The following HS2ST1 variants were observed in gnomAD, a reference collection of about 807,000 sequenced individuals.
The protein encoded by HS2ST1 is 2-O-sulfotransferase.
In HS2ST1, 18 loss-of-function variants were observed where a neutral mutation model predicts 42.9. The observed-to-expected ratio is 0.42, with a 90% confidence interval of 0.29 to 0.62. HS2ST1 has a LOEUF of 0.62. HS2ST1 is among the 20% of genes least tolerant of loss of function. The pLI, the probability that HS2ST1 is intolerant of heterozygous loss-of-function variation, is 0.21. For missense variants in HS2ST1, 334 were observed against 433.8 expected (o/e 0.77, Z 2.04); for synonymous variants, 146 against 152.9 (o/e 0.95, Z 0.33).
intron 1 of HS2ST1, among the ~76,000 whole-genome samples, chr1:87,013,946 A>T (rs1027343664): frequency 3.9e-5 from 6 of 152,186 alleles, no homozygotes; most frequent in African/African-American, 1.4e-4. Flanking sequence ...TTTAGTTCCC[A>T]GAAGTTTCTC....
intron 1 of HS2ST1, among the ~76,000 whole-genome samples, chr1:87,059,604 TAAAG>T (rs1651068777): frequency 1.3e-5 from 2 of 152,220 alleles, no homozygotes; most frequent in South Asian, 2.1e-4. Context: ...CTGAAATGAG[TAAAG>T]AAAGAAGCCT....
intron 1 of HS2ST1, among the ~76,000 whole-genome samples, chr1:87,029,876 G>A (rs556566854): frequency 2.0e-5 from 3 of 152,304 alleles, no homozygotes; most frequent in African/African-American, 7.2e-5. Context: ...AAGTTTAAGT[G>A]TGTTGGTCTT....
chr1:86,979,504 C>T (rs190282739), intron 1 of HS2ST1, among the ~76,000 whole-genome samples: 1 of 152,212 alleles, frequency 6.6e-6, no homozygotes, highest in African/African-American at 2.4e-5. Context: ...AACATAATGT[C>T]TTCAATGTTT....
intron 1 of HS2ST1, among the ~76,000 whole-genome samples, chr1:86,994,664 G>A (rs1024921757): frequency 1.6e-4 from 24 of 152,022 alleles, no homozygotes; most frequent in African/African-American, 4.8e-4. Context: ...GCTTTGTAGT[G>A]GGGTCTCAGT....
chr1:86,915,117 G>T lies in HS2ST1; in HGVS notation c.81G>T (p.Leu27Phe). The change falls in exon 1 of 7, where the codon TTG (leucine) becomes TTT (phenylalanine). Residue 27 changes from leucine to phenylalanine, a missense_variant. Leu to Phe is a conservative substitution (Grantham distance 22). Transcript: ENST00000370550. ...VVAFAVAMLF[L>F]ENQIQKLEES... ...CCTTCGCGGTGGCGATGCTCTTCTT[G>T]GAAAACCAGATCCAGAAACTGGAGG... 6.2e-7 allele frequency: 1 copy of T among 1,614,126 alleles called. No homozygotes were observed. The highest frequency in any genetic ancestry group is 8.5e-7 in the Non-Finnish European group (1 of 1,180,006).
chr1:87,097,074 G>A (rs975785365), intron 4 of HS2ST1, among the ~76,000 whole-genome samples: 1 of 152,108 alleles, frequency 6.6e-6, no homozygotes, highest in African/African-American at 2.4e-5. Flanking sequence ...CTAGAGCTAT[G>A]CCTTTAATAC....
chr1:87,017,860 G>A (rs944762132), intron 1 of HS2ST1, among the ~76,000 whole-genome samples: 3 of 151,936 alleles, frequency 2.0e-5, no homozygotes, highest in Non-Finnish European at 2.9e-5. Flanking sequence ...GGGAAAACAG[G>A]CCCCAAATCA....
chr1:86,974,084 A>G (rs1385112950), intron 1 of HS2ST1, among the ~76,000 whole-genome samples: 1 of 152,156 alleles, frequency 6.6e-6, no homozygotes, highest in Non-Finnish European at 1.5e-5. Context: ...CCTGTCTCAG[A>G]ACTCCTAAAT....
At chr1:86,930,809 T>C (rs1570428379) in intron 1 of HS2ST1, among the ~76,000 whole-genome samples, 1 of 152,100 alleles carries the variant, frequency 6.6e-6, no homozygotes, top group Non-Finnish European at 1.5e-5. Flanking sequence ...AGTTGAGTAT[T>C]TGTTTTATGT....
intron 2 of HS2ST1, among the ~76,000 whole-genome samples, chr1:87,073,382 T>G (rs995987469): frequency 1.3e-5 from 2 of 152,246 alleles, no homozygotes; most frequent in African/African-American, 4.8e-5. Flanking sequence ...CTCAAATATT[T>G]GTGAAGTAAA....
At chr1:87,057,336 C>G (rs1650995174) in intron 1 of HS2ST1, among the ~76,000 whole-genome samples, 1 of 152,110 alleles carries the variant, frequency 6.6e-6, no homozygotes, top group Non-Finnish European at 1.5e-5. Context: ...AGAATGCTGG[C>G]TTATAGGATA....
chr1:86,957,461 T>C (rs1647706856), intron 1 of HS2ST1, among the ~76,000 whole-genome samples: 1 of 152,230 alleles, frequency 6.6e-6, no homozygotes, highest in Admixed American at 6.5e-5. Flanking sequence ...ACATGTGATG[T>C]CTCAGCTCTC....
At chr1:86,986,336 T>C (rs1281336244) in intron 1 of HS2ST1, among the ~76,000 whole-genome samples, 1 of 152,156 alleles carries the variant, frequency 6.6e-6, no homozygotes, top group African/African-American at 2.4e-5. Flanking sequence ...CTGCATTAAG[T>C]TCCACTAGGT....
At chr1:87,082,951 T>G (rs1337411365) in intron 2 of HS2ST1, among the ~76,000 whole-genome samples, 1 of 152,222 alleles carries the variant, frequency 6.6e-6, no homozygotes, top group Non-Finnish European at 1.5e-5. Context: ...AGGATGTATA[T>G]GTGTATTGAG....
chr1:86,953,929 C>T (rs891160637), intron 1 of HS2ST1, among the ~76,000 whole-genome samples: 15 of 149,610 alleles, frequency 1.0e-4, no homozygotes, highest in African/African-American at 3.2e-4. Flanking sequence ...GGCTGGTCTG[C>T]GGAACAGTCA....
chr1:86,917,195 A>C (rs1419659607), intron 1 of HS2ST1, among the ~76,000 whole-genome samples: 3 of 152,186 alleles, frequency 2.0e-5, no homozygotes, highest in Non-Finnish European at 4.4e-5. Flanking sequence ...TTCATCGTAG[A>C]TACTCGTGTT....
At position 86,985,423 on chromosome 1, in the gene HS2ST1, CAT is replaced by C. The variant is rs1230549613; in HGVS notation, c.124+70269_124+70270del. 1.5e-4 allele frequency among the ~76,000 whole-genome samples: 8 copies of C among 53,060 alleles called. 1 individual carries two copies. The Admixed American group carries it at 2.0e-3, about 13-fold the overall frequency. 34.8% of individuals were successfully genotyped at this position (53,060 alleles called of 152,430 possible). A position where few individuals can be genotyped will look rare whatever the true frequency, so the allele number is the denominator to read the frequency against. On this transcript the variant is annotated intron_variant, in intron 1 of 6. Transcript: ENST00000370550. ...ACATATATATACACATATATATACA[CAT>C]ATATACACACATATATACACATATA...
At chr1:87,083,769 C>G (rs1651747454) in intron 2 of HS2ST1, among the ~76,000 whole-genome samples, 1 of 152,022 alleles carries the variant, frequency 6.6e-6, no homozygotes, top group Non-Finnish European at 1.5e-5. Context: ...TTTGTTGAGT[C>G]ATTAATAAAA....
At chr1:87,087,650 A>G (rs886577879) in intron 3 of HS2ST1, among the ~76,000 whole-genome samples, 3 of 152,094 alleles carry the variant, frequency 2.0e-5, no homozygotes, top group Non-Finnish European at 4.4e-5. Flanking sequence ...GTCATGTGAG[A>G]TTGTCCTTTC....
Sources: gnomAD v4.1 joint callset for allele counts (sites outside exome capture counted in the v4.1 genomes callset) on GRCh38, gnomAD v4.1.1 for gene constraint, MANE v1.5 for transcripts, NCBI Gene and HGNC (gene_info 2026-07-23, HGNC 2026-07-21) for gene names.